VRK2: variants seen among roughly 807,000 people sequenced by gnomAD.
VRK2 encodes the protein VRK serine/threonine kinase 2.
In VRK2, 60 loss-of-function variants were observed where a neutral mutation model predicts 57.6. The ratio of observed to expected loss-of-function variants is 1.04; its 90% CI spans 0.85 to 1.29. The LOEUF (loss-of-function observed/expected upper bound fraction) is 1.29, where lower values mean the gene tolerates loss of function less well. Among genes scored for constraint, VRK2 ranks in the 50% most tolerant of loss-of-function variants. The probability of loss-of-function intolerance (pLI) is 0.00; values close to 1 mark genes in which losing one functional copy is unlikely to be tolerated. For missense variants in VRK2, 705 were observed against 588.1 expected, an observed-to-expected ratio of 1.20 and a Z score of -2.06; for synonymous variants, 231 against 199.2, an observed-to-expected ratio of 1.16 and a Z score of -1.35.
Position 58,135,166 on chromosome 2 carries a change from G to T in VRK2, c.823G>T (p.Val275Leu). Residue 275 changes from valine to leucine, a missense_variant, in exon 10 of 13, where the codon GTG becomes TTG. Val to Leu is a conservative substitution (Grantham distance 32). Transcript: ENST00000340157. ...TCTGTTGGACGAGCTCCCCCAGTCA[G>T]TGCTTAAATGGGCTCCTTCTGGAAG... Reference protein sequence around the residue: ...TNLLDELPQSVLKWAPSGSSC... With the variant: ...TNLLDELPQSLLKWAPSGSSC... The T allele has an allele frequency of 6.2e-7, 1 of 1,614,190 alleles. No homozygotes were observed. Among genetic ancestry groups the T allele is most frequent in the Non-Finnish European group, 8.5e-7 (1 of 1,180,026 alleles).
rs577153321 is a variant in VRK2, at chr2:57,930,341, A to G, written c.-439+22502A>G. Among the ~76,000 whole-genome samples, 37 of 152,274 alleles carry G rather than the reference A, an allele frequency of 2.4e-4. 1 individual carries two copies. In the South Asian group the frequency reaches 7.7e-3, roughly 32 times the overall value. On this transcript the variant is annotated intron_variant, in intron 1 of 15. Transcript: ENST00000417641. ...CCATGTTGCTTTCCACTGTGACAGT[A>G]CAACTCTGAGTTCCAATGCAAAATT...
At chr2:57,961,191 C>G (rs1671747275) in intron 1 of VRK2, among the ~76,000 whole-genome samples, 1 of 152,190 alleles carries the variant, frequency 6.6e-6, no homozygotes, top group Admixed American at 6.5e-5. Context: ...CTATCATTAT[C>G]ATTAGCATAG....
At chr2:58,138,258 T>C (rs1002303411) in intron 10 of VRK2, among the ~76,000 whole-genome samples, 3 of 152,188 alleles carry the variant, frequency 2.0e-5, no homozygotes, top group Non-Finnish European at 4.4e-5. Context: ...CTTTAGAAAT[T>C]GGATACCCCC....
At chr2:57,960,571 C>A (rs148236685) in intron 1 of VRK2, among the ~76,000 whole-genome samples, 10 of 152,230 alleles carry the variant, frequency 6.6e-5, no homozygotes, top group Middle Eastern at 3.4e-3. Context: ...AATTCATTTA[C>A]AAGTATTTTC....
chr2:58,104,530 G>A (rs1223647116), intron 7 of VRK2, among the ~76,000 whole-genome samples: 1 of 151,736 alleles, frequency 6.6e-6, no homozygotes, highest in Non-Finnish European at 1.5e-5. Context: ...TCTCTACAAG[G>A]AAAACTACAA....
chr2:58,152,458 T>A (rs1039247547), intron 12 of VRK2, among the ~76,000 whole-genome samples: 1 of 151,940 alleles, frequency 6.6e-6, no homozygotes, highest in Non-Finnish European at 1.5e-5. Flanking sequence ...ATTGGTATTG[T>A]TGCTTTAAGG....
chr2:58,134,617 C>CAA (rs70954875), intron 9 of VRK2, among the ~76,000 whole-genome samples: 13,686 of 72,752 alleles, frequency 0.19, 1,491 homozygotes, highest in African/African-American at 0.31. Flanking sequence ...GACTCCGTCT[C>CAA]AAAAAAAAAA....
chr2:58,053,154 G>C (rs778233635), intron 2 of VRK2, among the ~76,000 whole-genome samples: 35 of 152,270 alleles, frequency 2.3e-4, no homozygotes, highest in South Asian at 2.1e-4. Context: ...TCGATCTACT[G>C]CAGATTAGTA....
At chr2:58,093,922 A>T (rs1054962000) in intron 7 of VRK2, among the ~76,000 whole-genome samples, 2 of 152,186 alleles carry the variant, frequency 1.3e-5, no homozygotes, top group African/African-American at 4.8e-5. Flanking sequence ...TAAATAGGGA[A>T]TCCTTTCCCC....
At chr2:58,029,172 T>C (rs1031096175) in intron 2 of VRK2, among the ~76,000 whole-genome samples, 2 of 151,898 alleles carry the variant, frequency 1.3e-5, no homozygotes, top group South Asian at 2.1e-4. Context: ...TAAAGAGTTC[T>C]ATGAAAACTG....
At chr2:58,040,172 A>AT (rs1674401604) in intron 3 of VRK2, among the ~76,000 whole-genome samples, 1 of 152,106 alleles carries the variant, frequency 6.6e-6, no homozygotes, top group Admixed American at 6.6e-5. Flanking sequence ...AGATTTAAAT[A>AT]TTGGTATATC....
chr2:58,110,378 CA>C (rs1217223689), intron 7 of VRK2, among the ~76,000 whole-genome samples: 4 of 151,902 alleles, frequency 2.6e-5, no homozygotes, highest in African/African-American at 9.6e-5. Flanking sequence ...AAAATCTTAA[CA>C]ATAAATCAAA....
In VRK2 at chr2:58,084,158, T is replaced by G. The variant is rs1296857456; in HGVS notation, c.186+20T>G. On this transcript the variant is annotated intron_variant, in intron 3 of 12. Transcript: ENST00000340157. ...AAAGTGGTAAGTGTTGCTCATAGAT[T>G]TGTATTTCACATATATTTGACTTTT... The G allele has an allele frequency of 6.3e-7, 1 of 1,589,550 alleles. No individual in the cohort carries two copies. Among genetic ancestry groups the G allele is most frequent in the Non-Finnish European group, 8.6e-7 (1 of 1,165,604 alleles).
chr2:58,117,150 A>C (rs1038570253), intron 7 of VRK2, among the ~76,000 whole-genome samples: 9 of 152,160 alleles, frequency 5.9e-5, no homozygotes, highest in African/African-American at 2.2e-4. Flanking sequence ...TTGACCTTTT[A>C]GGGTCTAGGG....
chr2:57,926,564 C>T (rs1394610410), intron 1 of VRK2, among the ~76,000 whole-genome samples: 2 of 150,898 alleles, frequency 1.3e-5, no homozygotes, highest in African/African-American at 4.9e-5. Flanking sequence ...GTTTTATCCT[C>T]TTGCTGAACT....
intron 1 of VRK2, among the ~76,000 whole-genome samples, chr2:57,972,744 T>A (rs1177364540): frequency 1.3e-5 from 2 of 151,936 alleles, no homozygotes; most frequent in African/African-American, 2.4e-5. Context: ...TAAATATTTA[T>A]GTTCTTTATT....
At chr2:57,940,265 T>C (rs1453117174) in intron 1 of VRK2, among the ~76,000 whole-genome samples, 3 of 151,990 alleles carry the variant, frequency 2.0e-5, no homozygotes, top group Non-Finnish European at 4.4e-5. Flanking sequence ...GGGGAATAGA[T>C]AATATAAATC....
In VRK2 at chr2:57,983,304, T is replaced by C. The variant is rs944875963; in HGVS notation, c.-438-42361T>C. On this transcript the variant is annotated intron_variant, in intron 1 of 15. Coordinates refer to the VRK2 transcript ENST00000417641. ...ACCCTTCTTTCATATATACGTCCTCTGACCATAGCCAGGAAAGGTTCTCAG... is the reference window on the plus strand; with the variant it reads ...ACCCTTCTTTCATATATACGTCCTCCGACCATAGCCAGGAAAGGTTCTCAG... Among the ~76,000 whole-genome samples the C allele has an allele frequency of 2.0e-5, 3 of 152,212 alleles. No homozygotes were observed. In the East Asian group the frequency reaches 5.8e-4, roughly 29 times the overall value.
intron 8 of VRK2, among the ~76,000 whole-genome samples, chr2:58,130,533 G>C (rs183022629): frequency 6.6e-6 from 1 of 152,326 alleles, no homozygotes; most frequent in Admixed American, 6.5e-5. Context: ...ATAGCAGTTA[G>C]AGTGTAAGAG....
Sources: gnomAD v4.1 joint callset for allele counts (sites outside exome capture counted in the v4.1 genomes callset) on GRCh38, gnomAD v4.1.1 for gene constraint, MANE v1.5 for transcripts, NCBI Gene and HGNC (gene_info 2026-07-23, HGNC 2026-07-21) for gene names.